ULK4: variants seen among roughly 807,000 people sequenced by gnomAD.
ULK4 encodes unc-51 like kinase 4.
ULK4 carries 133 observed loss-of-function variants against 160.6 expected under a neutral mutation model. The ratio of observed to expected loss-of-function variants is 0.83; its 90% CI spans 0.72 to 0.96. The LOEUF (loss-of-function observed/expected upper bound fraction) is 0.96, where lower values mean the gene tolerates loss of function less well. Among genes scored for constraint, ULK4 ranks in the 40% least tolerant of loss-of-function variants. The pLI is 0.00. For synonymous variants in ULK4, 534 were observed against 539.8 expected, an observed-to-expected ratio of 0.99 and a Z score of 0.15; for missense variants, 1,580 against 1,499.5, an observed-to-expected ratio of 1.05 and a Z score of -0.89.
intron 30 of ULK4, among the ~76,000 whole-genome samples, chr3:41,631,090 G>T (rs568142241): frequency 1.3e-5 from 2 of 152,280 alleles, no homozygotes; most frequent in East Asian, 1.9e-4. Context: ...ATGATATTAT[G>T]TCTACCCTGA....
At chr3:41,594,798 A>G (rs540715741) in intron 31 of ULK4, among the ~76,000 whole-genome samples, 132 of 152,322 alleles carry the variant, frequency 8.7e-4, no homozygotes, top group Non-Finnish European at 1.2e-3. Flanking sequence ...AGGGGAGATG[A>G]AAGGAGAAGC....
At chr3:41,657,117 C>G (rs1160986625) in intron 30 of ULK4, among the ~76,000 whole-genome samples, 2 of 151,990 alleles carry the variant, frequency 1.3e-5, no homozygotes, top group African/African-American at 4.8e-5. Flanking sequence ...AAACTAGATC[C>G]ACCAGGGCAG....
intron 25 of ULK4, among the ~76,000 whole-genome samples, chr3:41,713,911 T>C (rs1467368035): frequency 6.6e-6 from 1 of 151,486 alleles, no homozygotes; most frequent in Non-Finnish European, 1.5e-5. Flanking sequence ...CAGAAGAAAA[T>C]ACTACACATG....
chr3:41,872,134 G>A (rs753546525), intron 17 of ULK4, among the ~76,000 whole-genome samples: 1 of 152,092 alleles, frequency 6.6e-6, no homozygotes, highest in East Asian at 1.9e-4. Flanking sequence ...GGTACAGGAC[G>A]CTCAGTCCTA....
At chr3:41,546,998 A>C (rs1199752836) in intron 32 of ULK4, among the ~76,000 whole-genome samples, 6 of 152,246 alleles carry the variant, frequency 3.9e-5, no homozygotes, top group Admixed American at 3.9e-4. Context: ...TCCAGTTTTC[A>C]GGTTGCTTGA....
chr3:41,439,094 C>T lies in ULK4; in HGVS notation c.3492+16403G>A, dbSNP rs73828030. 3.0e-3 allele frequency among the ~76,000 whole-genome samples: 451 copies of T among 152,208 alleles called. 1 individual carries two copies. The highest frequency in any genetic ancestry group is 0.01 in the African/African-American group (425 of 41,542). The stretch of plus-strand genomic sequence containing the variant: ...GTGTGAAATGGGGGTTGGGGTTCCC[C>T]GTGAACAAAAGGAGACAGAAGAAGC... On this transcript the variant is annotated intron_variant, in intron 34 of 36. Coordinates refer to ENST00000301831, the MANE Select transcript of ULK4 (RefSeq NM_017886.4).
At chr3:41,915,949 G>GA (rs1315406584) in intron 8 of ULK4, 28 bp downstream of exon 8, 4 of 1,511,072 alleles carry the variant, frequency 2.6e-6, no homozygotes, top group South Asian at 1.2e-5. Context: ...AAAAGAAAAA[G>GA]AAAAAAAGAT....
chr3:41,670,297 A>AT (rs1339053989), intron 29 of ULK4, among the ~76,000 whole-genome samples: 6 of 152,110 alleles, frequency 3.9e-5, no homozygotes, highest in East Asian at 1.9e-4. Context: ...TCTTTTTGGC[A>AT]TTTTCTGCAC....
At chr3:41,778,005 A>C (rs2039696417) in intron 21 of ULK4, among the ~76,000 whole-genome samples, 2 of 130,388 alleles carry the variant, frequency 1.5e-5, no homozygotes, top group Admixed American at 7.6e-5. Flanking sequence ...GGAGAAGGAA[A>C]TAAAGGGTAT....
intron 27 of ULK4, among the ~76,000 whole-genome samples, chr3:41,696,927 T>G (rs1277177903): frequency 6.6e-6 from 1 of 152,104 alleles, no homozygotes; most frequent in African/African-American, 2.4e-5. Flanking sequence ...GCCACAAGCC[T>G]AAGAATCCAG....
At chr3:41,613,434 C>T (rs547588718) in intron 31 of ULK4, among the ~76,000 whole-genome samples, 44 of 151,706 alleles carry the variant, frequency 2.9e-4, no homozygotes, top group Non-Finnish European at 4.7e-4. Context: ...AAGGCAATGA[C>T]AACCAGGTCA....
At chr3:41,686,433 G>C (rs1218956362) in intron 27 of ULK4, among the ~76,000 whole-genome samples, 1 of 152,158 alleles carries the variant, frequency 6.6e-6, no homozygotes, top group Non-Finnish European at 1.5e-5. Context: ...CGAAGAGTTA[G>C]ATTTAGAGGC....
chr3:41,707,515 A>G (rs1178937858), intron 25 of ULK4, among the ~76,000 whole-genome samples: 1 of 152,180 alleles, frequency 6.6e-6, no homozygotes, highest in African/African-American at 2.4e-5. Context: ...ACTCAATAGT[A>G]AGAAGGCAAA....
intron 30 of ULK4, among the ~76,000 whole-genome samples, chr3:41,657,829 A>AAAAAAAAAAAAAAAAG (rs2034999562): frequency 6.6e-6 from 1 of 150,506 alleles, no homozygotes; most frequent in African/African-American, 2.5e-5. Flanking sequence ...AAAAAAAAAA[A>AAAAAAAAAAAAAAAAG]AAAAAACACA....
At chr3:41,329,274 T>C (rs1454161973) in intron 35 of ULK4, among the ~76,000 whole-genome samples, 1 of 152,154 alleles carries the variant, frequency 6.6e-6, no homozygotes, top group Admixed American at 6.6e-5. Flanking sequence ...TACTCTGAAA[T>C]CTCTGTTTTT....
chr3:41,731,677 A>G lies in ULK4; in HGVS notation c.2322-13816T>C, dbSNP rs1262349379. On this transcript the variant is annotated intron_variant, in intron 22 of 36. Transcript: ENST00000301831. The stretch of plus-strand genomic sequence containing the variant: ...CAAAGAGCCAAATCAATTTTGGGGG[A>G]AAAAAAAAAAAAAAGAACAAAAGCT... Among the ~76,000 whole-genome samples the G allele has an allele frequency of 3.5e-4, 39 of 110,574 alleles. 1 individual carries two copies. Among genetic ancestry groups the G allele is most frequent in the African/African-American group, 1.2e-3 (13 of 10,912 alleles). 72.5% of individuals were successfully genotyped at this position (110,574 alleles called of 152,430 possible).
rs540293525 is a variant in ULK4, at chr3:41,413,403, G to A, written c.3493-15139C>T. Among the ~76,000 whole-genome samples the A allele has an allele frequency of 4.6e-5, 7 of 152,186 alleles. No homozygotes were observed. In the South Asian group the frequency reaches 1.2e-3, roughly 27 times the overall value. On this transcript the variant is annotated intron_variant, in intron 34 of 36. Coordinates refer to ENST00000301831, the MANE Select transcript of ULK4 (RefSeq NM_017886.4). ...ATATTTTTACCTTGGATTGGGGAAA[G>A]GTTTAATAGGCATAATTGCAAAAGA... is the stretch of plus-strand genomic sequence containing the variant.
chr3:41,804,002 G>A (rs1409224478), intron 19 of ULK4, among the ~76,000 whole-genome samples: 4 of 152,154 alleles, frequency 2.6e-5, no homozygotes. Context: ...TATATACCCA[G>A]TAATGGGATG....
At chr3:41,834,575 G>T (rs1349778441) in intron 18 of ULK4, among the ~76,000 whole-genome samples, 2 of 152,196 alleles carry the variant, frequency 1.3e-5, no homozygotes, top group Non-Finnish European at 2.9e-5. Context: ...GGACGGATTT[G>T]CTGTACCAGC....
Sources: allele counts gnomAD v4.1 joint callset (sites outside exome capture counted in the v4.1 genomes callset), GRCh38; gene constraint gnomAD v4.1.1; transcripts MANE v1.5; gene names NCBI Gene and HGNC (gene_info 2026-07-23, HGNC 2026-07-21).